Variants in TIAM2 observed in about 807,000 individuals in gnomAD.
TIAM2 encodes rho guanine nucleotide exchange factor TIAM2.
Under a neutral mutation model 152.9 loss-of-function variants are expected in TIAM2, and 80 were observed. The observed-to-expected ratio is 0.52, with a 90% CI of 0.44 to 0.63. The LOEUF (loss-of-function observed/expected upper bound fraction) is 0.63, where lower values mean the gene tolerates loss of function less well. TIAM2 is among the 30% of genes least tolerant of loss of function. The pLI is 0.00. For missense variants in TIAM2, 1,965 were observed against 2,120.1 expected (o/e 0.93, Z 1.44); for synonymous variants, 804 against 838.0 (o/e 0.96, Z 0.70).
At chr6:155,090,919 G>A (rs1283941892) in intron 2 of TIAM2, among the ~76,000 whole-genome samples, 2 of 152,134 alleles carry the variant, frequency 1.3e-5, no homozygotes, top group East Asian at 1.9e-4. Flanking sequence ...CTGATTGGAT[G>A]TGTTGGTGTC....
rs571931975 is a variant in TIAM2, at chr6:155,048,660, G to A, written c.-208-41629G>A. Among the ~76,000 whole-genome samples, 166 of 152,262 alleles carry A rather than the reference G, an allele frequency of 1.1e-3. 1 individual carries two copies. The highest frequency in any genetic ancestry group is 3.9e-3 in the African/African-American group (160 of 41,550). Reference sequence around the variant, plus strand: ...AAGGTGGAGTGAAGGAGACTCGGGAGGCCGCATTAGGACTGTGGGAGAATT... The same window carrying A: ...AAGGTGGAGTGAAGGAGACTCGGGAAGCCGCATTAGGACTGTGGGAGAATT... On this transcript the variant is annotated intron_variant, in intron 1 of 26. Transcript: ENST00000682666.
At chr6:155,193,822 A>T (rs1217530643) in intron 14 of TIAM2, among the ~76,000 whole-genome samples, 6 of 152,340 alleles carry the variant, frequency 3.9e-5, no homozygotes, top group African/African-American at 1.4e-4. Flanking sequence ...TGAAGAGCGC[A>T]ATGGTGCTGA....
At chr6:155,077,936 T>G (rs1271361684) in intron 1 of TIAM2, among the ~76,000 whole-genome samples, 1 of 152,218 alleles carries the variant, frequency 6.6e-6, no homozygotes, top group Non-Finnish European at 1.5e-5. Context: ...CTTTTGGATT[T>G]AACAAGTAAT....
At chr6:155,160,401 C>G (rs988792) in intron 7 of TIAM2, among the ~76,000 whole-genome samples, 70,899 of 151,992 alleles carry the variant, frequency 0.47, 17,025 homozygotes, top group East Asian at 0.55. Context: ...GAAGGCAATC[C>G]GCATTACTCA....
At chr6:155,194,992 T>C (rs1274152546) in intron 14 of TIAM2, among the ~76,000 whole-genome samples, 1 of 152,188 alleles carries the variant, frequency 6.6e-6, no homozygotes, top group African/African-American at 2.4e-5. Flanking sequence ...TTGCGTCCCC[T>C]TCCACCATGA....
intron 7 of TIAM2, among the ~76,000 whole-genome samples, chr6:155,164,140 T>TTTTTTG (rs1300351431): frequency 1.4e-5 from 2 of 140,630 alleles, no homozygotes; most frequent in Non-Finnish European, 3.1e-5. Flanking sequence ...TGTGTTTTTT[T>TTTTTTG]TTTTTCTTTT....
intron 1 of TIAM2, among the ~76,000 whole-genome samples, chr6:155,070,196 G>A (rs1481469554): frequency 2.3e-4 from 33 of 140,988 alleles, no homozygotes; most frequent in African/African-American, 8.6e-4. Context: ...ATGAGCCACC[G>A]CGCCTGGCCA....
At chr6:155,256,167 T>TTAAC (rs1391815401) in intron 26 of TIAM2, 2 of 516,774 alleles carry the variant, frequency 3.9e-6, no homozygotes, top group African/African-American at 4.0e-5. Context: ...TTATTACCAA[T>TTAAC]TAACTTTTCA....
chr6:155,253,782 A>G (rs964065954), intron 24 of TIAM2, 191 bp from the exon 25 acceptor site: 14 of 519,864 alleles, frequency 2.7e-5, no homozygotes, highest in Non-Finnish European at 4.4e-5. Flanking sequence ...AGGAAATGTA[A>G]AAAGTAACCA....
At position 155,179,070 on chromosome 6, in the gene TIAM2, T is replaced by A; in HGVS notation, c.2555T>A (p.Leu852Gln). 2.5e-6 allele frequency: 4 copies of A among 1,614,140 alleles called. No homozygotes were observed. The highest frequency in any genetic ancestry group is 3.4e-6 in the Non-Finnish European group (4 of 1,180,004). ...MRQLEPSHYG[L>Q]QLRKLVDDNV... ...CAGTTGGAACCCAGCCATTATGGCCTACAGCTTCGAAAATTAGTAGATGAC... is the reference window on the plus strand; with the variant it reads ...CAGTTGGAACCCAGCCATTATGGCCAACAGCTTCGAAAATTAGTAGATGAC... The change falls in exon 11 of 27, where the codon CTA (leucine) becomes CAA (glutamine). Residue 852 changes from leucine to glutamine, a missense_variant. This residue lies in a region of TIAM2 where 1,025 missense variants were observed against 1,119.4 expected (regional missense o/e 0.92). Coordinates refer to ENST00000682666, the MANE Select transcript of TIAM2 (RefSeq NM_012454.4).
Position 155,029,588 on chromosome 6 carries a change from A to AATAGTATATATAAC in TIAM2, c.-209+34096_-209+34097insATAGTATATATAAC, listed in dbSNP as rs1562295363. Among the ~76,000 whole-genome samples the AATAGTATATATAAC allele has an allele frequency of 3.6e-4, 31 of 86,540 alleles. 1 individual carries two copies. The South Asian group carries it at 9.1e-3, about 25-fold the overall frequency. 56.8% of individuals were successfully genotyped at this position (86,540 alleles called of 152,430 possible). On this transcript the variant is annotated intron_variant, in intron 1 of 26. Transcript: ENST00000682666. ...ACTATATAATAGTATATATAACTAT[A>AATAGTATATATAAC]TAGTATATATAGTTATATAACTCTG...
At chr6:155,027,363 CTATATAT>C (rs201704550) in intron 1 of TIAM2, among the ~76,000 whole-genome samples, 1,669 of 137,586 alleles carry the variant, frequency 0.012, 25 homozygotes, top group African/African-American at 0.042. Context: ...TACATATATA[CTATATAT>C]AATATATATA....
At chr6:155,183,581 C>T (rs976322611) in intron 14 of TIAM2, 81 bp downstream of exon 14, 27 of 1,485,640 alleles carry the variant, frequency 1.8e-5, no homozygotes, top group Non-Finnish European at 2.3e-5. Context: ...CTTGCAAACT[C>T]AGATTATTTA....
At chr6:155,067,893 C>T (rs898390431) in intron 1 of TIAM2, among the ~76,000 whole-genome samples, 13 of 152,130 alleles carry the variant, frequency 8.5e-5, no homozygotes, top group African/African-American at 1.4e-4. Flanking sequence ...CCACCCGTCT[C>T]GGTCTCCCAA....
intron 2 of TIAM2, among the ~76,000 whole-genome samples, chr6:155,095,221 A>G (rs139321595): frequency 5.9e-5 from 9 of 152,316 alleles, no homozygotes; most frequent in African/African-American, 2.2e-4. Context: ...TCTGAGTGAT[A>G]TAACCGAGGG....
intron 1 of TIAM2, among the ~76,000 whole-genome samples, chr6:155,079,745 G>A (rs560048785): frequency 2.0e-5 from 3 of 152,288 alleles, no homozygotes; most frequent in Admixed American, 1.3e-4. Context: ...TCAGGAGTTC[G>A]AGACTAGCCT....
intron 1 of TIAM2, among the ~76,000 whole-genome samples, chr6:155,023,312 A>G (rs1776536143): frequency 6.6e-6 from 1 of 151,716 alleles, no homozygotes; most frequent in South Asian, 2.1e-4. Flanking sequence ...GACGGACAAA[A>G]CTCTGCCACG....
intron 2 of TIAM2, among the ~76,000 whole-genome samples, chr6:155,107,025 A>G (rs1174750501): frequency 6.6e-6 from 1 of 152,222 alleles, no homozygotes; most frequent in Admixed American, 6.5e-5. Context: ...TTGAAGTGTT[A>G]GACACTGTTT....
chr6:155,065,568 A>G (rs891599116), intron 1 of TIAM2, among the ~76,000 whole-genome samples: 7 of 152,074 alleles, frequency 4.6e-5, no homozygotes, highest in African/African-American at 1.2e-4. Context: ...GCCTGAGCTC[A>G]GGAGTTCGAG....
Sources: gnomAD v4.1 joint callset for allele counts (sites outside exome capture counted in the v4.1 genomes callset) on GRCh38, gnomAD v4.1.1 for gene constraint, gnomAD v4.1.1 regional missense constraint, MANE v1.5 for transcripts, NCBI Gene and HGNC (gene_info 2026-07-23, HGNC 2026-07-21) for gene names.